PRKG1: variants seen among roughly 807,000 people sequenced by gnomAD.
PRKG1 encodes cGMP-dependent protein kinase 1.
In PRKG1, 35 loss-of-function variants were observed where a neutral mutation model predicts 88.1. The observed-to-expected ratio is 0.40, with a 90% CI of 0.30 to 0.53. PRKG1 has a LOEUF of 0.53. PRKG1 is among the 20% of genes least tolerant of loss of function. The pLI is 0.59. For synonymous variants in PRKG1, 303 were observed against 292.5 expected, an observed-to-expected ratio of 1.04 and a Z score of -0.37; for missense variants, 540 against 839.8, an observed-to-expected ratio of 0.64 and a Z score of 4.41.
intron 4 of PRKG1, among the ~76,000 whole-genome samples, chr10:51,864,965 T>C (rs952334772): frequency 5.9e-5 from 9 of 152,188 alleles, no homozygotes; most frequent in African/African-American, 2.2e-4. Context: ...GTGCTCTTGA[T>C]AATTGTCTTG....
At chr10:51,619,655 G>T (rs1246739172) in intron 3 of PRKG1, among the ~76,000 whole-genome samples, 1 of 152,148 alleles carries the variant, frequency 6.6e-6, no homozygotes, top group Non-Finnish European at 1.5e-5. Flanking sequence ...TATCATCCCA[G>T]ACAGGACAGC....
At chr10:51,125,957 A>C (rs1686160679) in intron 1 of PRKG1, among the ~76,000 whole-genome samples, 1 of 129,748 alleles carries the variant, frequency 7.7e-6, no homozygotes, top group East Asian at 2.2e-4. Context: ...ACAATTTTAT[A>C]TATGAATATA....
At chr10:51,407,071 T>C (rs1035125036) in intron 2 of PRKG1, among the ~76,000 whole-genome samples, 5 of 152,192 alleles carry the variant, frequency 3.3e-5, no homozygotes, top group African/African-American at 1.2e-4. Flanking sequence ...CGCTGGCAGC[T>C]GATTAAATGA....
chr10:51,239,977 T>C (rs1839108271), intron 2 of PRKG1, among the ~76,000 whole-genome samples: 1 of 152,202 alleles, frequency 6.6e-6, no homozygotes, highest in Non-Finnish European at 1.5e-5. Context: ...CTATCAGTAA[T>C]TGAAGACCCA....
At chr10:52,163,472 G>A (rs1051135080) in intron 9 of PRKG1, among the ~76,000 whole-genome samples, 2 of 151,654 alleles carry the variant, frequency 1.3e-5, no homozygotes, top group African/African-American at 4.8e-5. Flanking sequence ...TTAATTAATA[G>A]AAAAATTCAA....
intron 1 of PRKG1, among the ~76,000 whole-genome samples, chr10:51,097,046 G>T (rs1257492675): frequency 6.6e-6 from 1 of 152,074 alleles, no homozygotes; most frequent in Non-Finnish European, 1.5e-5. Flanking sequence ...ACCTACAGTG[G>T]GGTCTTCCCC....
At chr10:51,840,061 G>A (rs1840231623) in intron 4 of PRKG1, among the ~76,000 whole-genome samples, 1 of 152,142 alleles carries the variant, frequency 6.6e-6, no homozygotes, top group Admixed American at 6.5e-5. Flanking sequence ...AAATGCAGGT[G>A]GCAGACCGTT....
chr10:52,017,683 A>G (rs1845076867), intron 5 of PRKG1, among the ~76,000 whole-genome samples: 1 of 152,214 alleles, frequency 6.6e-6, no homozygotes, highest in South Asian at 2.1e-4. Flanking sequence ...GCAGTTAATT[A>G]GGCCATTGAA....
At chr10:51,560,941 G>A (rs1297029417) in intron 3 of PRKG1, among the ~76,000 whole-genome samples, 1 of 151,762 alleles carries the variant, frequency 6.6e-6, no homozygotes, top group Non-Finnish European at 1.5e-5. Flanking sequence ...AAGAAACATT[G>A]TGTGCTTAGA....
At chr10:52,011,879 T>A (rs1005643922) in intron 5 of PRKG1, among the ~76,000 whole-genome samples, 1 of 152,184 alleles carries the variant, frequency 6.6e-6, no homozygotes, top group Non-Finnish European at 1.5e-5. Flanking sequence ...TCATGATATC[T>A]GATGGTTGTA....
chr10:51,003,681 C>T (rs1299904496), intron 1 of PRKG1, among the ~76,000 whole-genome samples: 2 of 152,122 alleles, frequency 1.3e-5, no homozygotes, highest in Middle Eastern at 3.2e-3. Context: ...TTTATTTTCT[C>T]CTCCCAATCT....
At chr10:51,684,790 C>T (rs1040307503) in intron 3 of PRKG1, among the ~76,000 whole-genome samples, 14 of 152,162 alleles carry the variant, frequency 9.2e-5, no homozygotes, top group Admixed American at 4.6e-4. Flanking sequence ...TCGCTTGAGC[C>T]TGGGAGGCTT....
chr10:52,281,609 C>G (rs564590380), intron 13 of PRKG1, among the ~76,000 whole-genome samples: 9 of 152,074 alleles, frequency 5.9e-5, no homozygotes, highest in African/African-American at 1.9e-4. Context: ...CAAAAGAGTT[C>G]CAGAAAAATG....
intron 1 of PRKG1, among the ~76,000 whole-genome samples, chr10:51,016,765 G>T (rs1174884944): frequency 7.2e-6 from 1 of 138,270 alleles, no homozygotes; most frequent in African/African-American, 2.7e-5. Flanking sequence ...ACCTCCCAGG[G>T]TCAAGCGATT....
At position 51,841,328 on chromosome 10, in the gene PRKG1, C is replaced by A. The variant is rs1006724350; in HGVS notation, c.698+36638C>A. Among the ~76,000 whole-genome samples, 14 of 152,160 alleles carry A rather than the reference C, an allele frequency of 9.2e-5. No homozygotes were observed. In the East Asian group the frequency reaches 2.5e-3, roughly 27 times the overall value. ...ATGAAGAAGACATGGTCTATTTTTTCAAACAGTTCATAGTCAAATGGGAGC... is the reference window on the plus strand; with the variant it reads ...ATGAAGAAGACATGGTCTATTTTTTAAAACAGTTCATAGTCAAATGGGAGC... On this transcript the variant is annotated intron_variant, in intron 4 of 17. Coordinates refer to ENST00000373980, the MANE Select transcript of PRKG1 (RefSeq NM_006258.4).
chr10:52,268,596 A>G (rs1488079193), intron 10 of PRKG1, among the ~76,000 whole-genome samples: 2 of 152,020 alleles, frequency 1.3e-5, no homozygotes, highest in Non-Finnish European at 2.9e-5. Flanking sequence ...CGATTCCGTT[A>G]AACTCTGATT....
intron 2 of PRKG1, among the ~76,000 whole-genome samples, chr10:51,199,722 A>G (rs1837863982): frequency 1.3e-5 from 2 of 152,116 alleles, no homozygotes; most frequent in East Asian, 1.9e-4. Flanking sequence ...ACTGAATTTC[A>G]CTGCTCATCT....
intron 9 of PRKG1, among the ~76,000 whole-genome samples, chr10:52,171,444 A>C (rs1042147784): frequency 6.6e-6 from 1 of 152,172 alleles, no homozygotes; most frequent in Non-Finnish European, 1.5e-5. Flanking sequence ...CCATTTTCTC[A>C]GCAATAAAAA....
intron 3 of PRKG1, among the ~76,000 whole-genome samples, chr10:51,518,391 A>G (rs748004888): frequency 1.3e-5 from 2 of 152,118 alleles, no homozygotes; most frequent in African/African-American, 4.8e-5. Context: ...TGCTTGTTCA[A>G]TTTAGGATTA....
Sources: gnomAD v4.1 joint callset for allele counts (sites outside exome capture counted in the v4.1 genomes callset) on GRCh38, gnomAD v4.1.1 for gene constraint, MANE v1.5 for transcripts, NCBI Gene and HGNC (gene_info 2026-07-23, HGNC 2026-07-21) for gene names.